The following PNPT1 variants were observed in gnomAD, a reference collection of about 807,000 sequenced individuals.
The protein encoded by PNPT1 is polyribonucleotide nucleotidyltransferase 1, mitochondrial.
Under a neutral mutation model 119.5 loss-of-function variants are expected in PNPT1, and 53 were observed. That is an observed-to-expected ratio of 0.44 (90% confidence interval 0.36 to 0.56). The LOEUF (loss-of-function observed/expected upper bound fraction) is 0.56. Ranked by LOEUF, PNPT1 falls within the 20% of genes least tolerant of loss-of-function variation. PNPT1 has a pLI of 0.00. For synonymous variants in PNPT1, 357 were observed against 322.1 expected, an observed-to-expected ratio of 1.11 and a Z score of -1.16; for missense variants, 948 against 938.5, an observed-to-expected ratio of 1.01 and a Z score of -0.13.
At chr2:55,644,920 A>G in intron 22 of PNPT1, 200 bp from the exon 23 acceptor site, 1 of 424,678 alleles carries the variant, frequency 2.4e-6, no homozygotes, top group Non-Finnish European at 4.1e-6. Context: ...TTTTAACTAC[A>G]AAAGTATTTA....
chr2:55,675,289 CAAAAA>C (rs757171568), intron 8 of PNPT1, among the ~76,000 whole-genome samples: 293 of 128,424 alleles, frequency 2.3e-3, no homozygotes, highest in African/African-American at 8.0e-3. Context: ...GAACCAGATT[CAAAAA>C]AAAAAAAAAT....
intron 11 of PNPT1, among the ~76,000 whole-genome samples, chr2:55,670,970 TAA>T (rs61121266): frequency 0.86 from 130,554 of 151,010 alleles, 56,989 homozygotes; most frequent in African/African-American, 0.94. Context: ...CAACTAAAGT[TAA>T]AAAAAAAAAA....
rs184916002 is a variant in PNPT1 at position 55,659,079 on chromosome 2, C to T, written c.1284+1078G>A. ...AAGCAATCCTCCCATCTCAGCCTCCCGAGTAGCTGGGACTATAGGCACATG... is the reference window on the plus strand; with the variant it reads ...AAGCAATCCTCCCATCTCAGCCTCCTGAGTAGCTGGGACTATAGGCACATG... On this transcript the variant is annotated intron_variant, in intron 15 of 27. Transcript: ENST00000447944. 2.1e-3 allele frequency among the ~76,000 whole-genome samples: 319 copies of T among 152,246 alleles called. 1 individual carries two copies. Among genetic ancestry groups the T allele is most frequent in the African/African-American group, 7.0e-3 (292 of 41,552 alleles).
intron 22 of PNPT1, 95 bp from the exon 23 acceptor site, chr2:55,644,815 C>A: frequency 3.0e-6 from 2 of 661,356 alleles, no homozygotes; most frequent in Non-Finnish European, 4.9e-6. Context: ...TTTTTTTGAC[C>A]TAGACACATG....
chr2:55,643,542 C>T, intron 23 of PNPT1, 117 bp from the exon 24 acceptor site: 1 of 818,732 alleles, frequency 1.2e-6, no homozygotes, highest in African/African-American at 1.7e-5. Context: ...CTCAGGAGTT[C>T]AAGGCCAGCC....
chr2:55,674,648 C>A (rs1159442079), intron 8 of PNPT1, among the ~76,000 whole-genome samples: 1 of 152,122 alleles, frequency 6.6e-6, no homozygotes, highest in Non-Finnish European at 1.5e-5. Context: ...ATAAGCTTTT[C>A]TTTCCCTCTT....
rs775330306 is a variant in PNPT1, at chr2:55,693,768, C to T, written c.56G>A (p.Gly19Asp). The change falls in exon 1 of 28, where the codon GGT becomes GAT. Residue 19 changes from glycine to aspartate, a missense_variant. By Grantham distance (94) the Gly-to-Asp change is moderately conservative. Coordinates refer to ENST00000447944, the MANE Select transcript of PNPT1 (RefSeq NM_033109.5). ...SCLRLRPLSD[G>D]PFLLPRRDRA... ...ATCCCGCCGTGGCAGAAGGAAAGGA[C>T]CATCGCTCAGGGGCCGGAGCCGGAG... is the stretch of plus-strand genomic sequence containing the variant. 2 of 1,614,178 alleles carry T rather than the reference C, an allele frequency of 1.2e-6. No individual in the cohort carries two copies. Among genetic ancestry groups the T allele is most frequent in the East Asian group, 4.5e-5 (2 of 44,888 alleles).
In PNPT1 at chr2:55,636,100, A is replaced by T; in HGVS notation, c.*137T>A. 2.0e-6 allele frequency: 1 copy of T among 506,854 alleles called. No individual in the cohort carries two copies. Among genetic ancestry groups the T allele is most frequent in the East Asian group, 3.6e-5 (1 of 28,162 alleles). 31.4% of individuals were successfully genotyped at this position (506,854 alleles called of 1,614,324 possible). ...ATTAAAAAAATGGCACATGTAAATG[A>T]GCATTTTAGTACAAATAATTAAAAT... On this transcript the variant is annotated 3_prime_UTR_variant, in exon 28 of 28. Transcript: ENST00000447944.
At position 55,670,045 on chromosome 2, in the gene PNPT1, C is replaced by T. The variant is rs1019806510; in HGVS notation, c.976+1274G>A. Among the ~76,000 whole-genome samples the T allele has an allele frequency of 7.2e-5, 11 of 152,186 alleles. No individual in the cohort carries two copies. The East Asian group carries it at 2.1e-3, about 29-fold the overall frequency. ...AAGTGCTGGGATTACAGGCATGAGC[C>T]ACCACGCCTGGCCAGTTTTTTATCT... On this transcript the variant is annotated intron_variant, in intron 11 of 27. Transcript: ENST00000447944.
At chr2:55,679,630 C>T (rs2104152521) in intron 8 of PNPT1, 52 bp downstream of exon 8, 2 of 1,319,194 alleles carry the variant, frequency 1.5e-6, no homozygotes. Context: ...GTTTAAGAAG[C>T]CAGAACTTGT....
At chr2:55,677,976 C>T (rs966489322) in intron 8 of PNPT1, among the ~76,000 whole-genome samples, 11 of 152,050 alleles carry the variant, frequency 7.2e-5, no homozygotes, top group Non-Finnish European at 1.5e-4. Flanking sequence ...CTCCTGACCT[C>T]GTGATCTGCC....
chr2:55,669,932 T>C lies in PNPT1; in HGVS notation c.976+1387A>G, dbSNP rs185612044. Among the ~76,000 whole-genome samples, 7 of 151,896 alleles carry C rather than the reference T, an allele frequency of 4.6e-5. No individual in the cohort carries two copies. The East Asian group carries it at 1.2e-3, about 25-fold the overall frequency. The stretch of plus-strand genomic sequence containing the variant: ...TGCCACCATGCCCGCCTAATTTTTG[T>C]ATTTTTGGTAGAGATGGGGTTTCAC... On this transcript the variant is annotated intron_variant, in intron 11 of 27. Coordinates refer to ENST00000447944, the MANE Select transcript of PNPT1 (RefSeq NM_033109.5).
intron 12 of PNPT1, among the ~76,000 whole-genome samples, chr2:55,667,594 AAAACAAAAAAC>A (rs1224141089): frequency 6.6e-6 from 1 of 151,986 alleles, no homozygotes. Flanking sequence ...TCAAAAAAAA[AAAACAAAAAAC>A]AAACAAACAA....
intron 11 of PNPT1, among the ~76,000 whole-genome samples, chr2:55,669,174 T>C (rs1696829595): frequency 6.9e-6 from 1 of 145,018 alleles, no homozygotes; most frequent in Admixed American, 6.6e-5. Flanking sequence ...AACCACTGAG[T>C]TTAAAAAAAA....
intron 25 of PNPT1, 24 bp downstream of exon 25, chr2:55,643,134 G>C: frequency 6.2e-7 from 1 of 1,612,046 alleles, no homozygotes; most frequent in Non-Finnish European, 8.5e-7. Context: ...AAAATGCTCA[G>C]CATAGTATAT....
intron 8 of PNPT1, among the ~76,000 whole-genome samples, chr2:55,676,508 T>G (rs990087329): frequency 1.5e-4 from 23 of 152,184 alleles, no homozygotes; most frequent in Non-Finnish European, 2.8e-4. Flanking sequence ...GGTGTTGAAG[T>G]AACCCAGCAG....
intron 15 of PNPT1, among the ~76,000 whole-genome samples, chr2:55,657,775 C>A (rs1437798149): frequency 1.4e-5 from 2 of 138,706 alleles, no homozygotes; most frequent in African/African-American, 5.4e-5. Flanking sequence ...TGTTGAATTG[C>A]ACCATGAGTG....
At chr2:55,668,079 C>T (rs992101600) in intron 11 of PNPT1, 121 bp from the exon 12 acceptor site, 4 of 824,432 alleles carry the variant, frequency 4.9e-6, no homozygotes, top group Admixed American at 3.4e-5. Context: ...TGACTCTGAA[C>T]GTTTAGTCCT....
chr2:55,662,088 A>G, intron 13 of PNPT1, 62 bp from the exon 14 acceptor site: 2 of 1,355,860 alleles, frequency 1.5e-6, no homozygotes, highest in Middle Eastern at 3.8e-4. Context: ...AAAACTAAAA[A>G]TACTTGAAGA....
Sources: allele counts gnomAD v4.1 joint callset (sites outside exome capture counted in the v4.1 genomes callset), GRCh38; gene constraint gnomAD v4.1.1; transcripts MANE v1.5; gene names NCBI Gene and HGNC (gene_info 2026-07-23, HGNC 2026-07-21).